The following PRUNE2 variants were observed in gnomAD, a reference collection of about 807,000 sequenced individuals.
The protein encoded by PRUNE2 is protein prune homolog 2.
A neutral mutation model predicts 252.0 loss-of-function variants in PRUNE2; 164 were observed. The ratio of observed to expected loss-of-function variants is 0.65; its 90% CI spans 0.57 to 0.74. The LOEUF (loss-of-function observed/expected upper bound fraction) is 0.74. PRUNE2 is among the 30% of genes least tolerant of loss of function. The pLI is 0.00. For synonymous variants in PRUNE2, 1,292 were observed against 1,350.2 expected (o/e 0.96, Z 0.94); for missense variants, 3,495 against 3,711.0 (o/e 0.94, Z 1.51).
intron 1 of PRUNE2, among the ~76,000 whole-genome samples, chr9:76,867,110 T>G (rs532292872): frequency 3.4e-4 from 52 of 151,962 alleles, no homozygotes; most frequent in African/African-American, 1.2e-3. Flanking sequence ...GAGATTAGAG[T>G]AGCAAAAACA....
Position 76,706,005 on chromosome 9 carries a change from A to G in PRUNE2, c.6269T>C (p.Leu2090Pro), listed in dbSNP as rs1288075481. The G allele has an allele frequency of 6.2e-7, 1 of 1,614,042 alleles. No homozygotes were observed. The highest frequency in any genetic ancestry group is 2.2e-5 in the East Asian group (1 of 44,878). ...ATTGCTGTCATGTTCGCAGTGCGTCAGGATATCAGGATTCTCACCATCTGC... is the reference window on the plus strand; with the variant it reads ...ATTGCTGTCATGTTCGCAGTGCGTCGGGATATCAGGATTCTCACCATCTGC... Reference protein sequence around the residue: ...LKADGENPDILTHCEHDSNSQ... With the variant: ...LKADGENPDIPTHCEHDSNSQ... Residue 2090 changes from leucine (L) to proline (P), a missense_variant, in exon 8 of 19, where the codon CTG becomes CCG. Transcript: ENST00000376718.
chr9:76,902,918 G>A (rs936184987), intron 1 of PRUNE2, among the ~76,000 whole-genome samples: 2 of 152,162 alleles, frequency 1.3e-5, no homozygotes, highest in Non-Finnish European at 2.9e-5. Flanking sequence ...AAGGAGGATG[G>A]GATTATGTCA....
chr9:76,731,324 ATT>A (rs1181079797), intron 6 of PRUNE2, among the ~76,000 whole-genome samples: 2,150 of 106,660 alleles, frequency 0.02, 35 homozygotes, highest in African/African-American at 0.051. Flanking sequence ...ATATATATAT[ATT>A]TTTTTTTTTT....
intron 11 of PRUNE2, among the ~76,000 whole-genome samples, chr9:76,647,559 AC>A (rs1190295897): frequency 6.6e-6 from 1 of 152,224 alleles, no homozygotes; most frequent in African/African-American, 2.4e-5. Flanking sequence ...TATATAAAAG[AC>A]AAAAATCAAG....
chr9:76,807,129 T>A (rs958558741), intron 6 of PRUNE2, among the ~76,000 whole-genome samples: 1 of 151,440 alleles, frequency 6.6e-6, no homozygotes, highest in Non-Finnish European at 1.5e-5. Context: ...TGGAGTGCAA[T>A]GGCATACCAC....
chr9:76,707,731 C>G lies in PRUNE2; in HGVS notation c.4543G>C (p.Val1515Leu), dbSNP rs370117193. ...GGAAGGCTATTTTCAGACCCCTTAA[C>G]GTCAAGATTTTTGGTTATCTCAGAA... is the stretch of plus-strand genomic sequence containing the variant. The part of the protein sequence containing the change: ...TCSEITKNLD[V>L]KGSENSLPGA... Residue 1515 changes from valine (V) to leucine (L), a missense_variant, in exon 8 of 19, where the codon GTT (valine) becomes CTT (leucine). Coordinates refer to ENST00000376718, the MANE Select transcript of PRUNE2 (RefSeq NM_015225.3). 3 of 1,613,814 alleles carry G rather than the reference C, an allele frequency of 1.9e-6. No individual in the cohort carries two copies. The highest frequency in any genetic ancestry group is 3.3e-5 in the Admixed American group (2 of 60,004).
intron 9 of PRUNE2, among the ~76,000 whole-genome samples, chr9:76,660,116 G>A (rs1457830300): frequency 6.6e-6 from 1 of 152,092 alleles, no homozygotes; most frequent in Non-Finnish European, 1.5e-5. Context: ...ACAGGTGCCA[G>A]AAATAAAGAG....
intron 6 of PRUNE2, among the ~76,000 whole-genome samples, chr9:76,717,098 T>C (rs1356927883): frequency 6.6e-6 from 1 of 152,192 alleles, no homozygotes; most frequent in Non-Finnish European, 1.5e-5. Flanking sequence ...AATGAAGCAC[T>C]GATAAATCAA....
intron 16 of PRUNE2, among the ~76,000 whole-genome samples, chr9:76,626,236 C>T (rs1834704610): frequency 6.6e-6 from 1 of 152,160 alleles, no homozygotes; most frequent in African/African-American, 2.4e-5. Context: ...TAATGAGAAT[C>T]AACTGTAACC....
Position 76,873,840 on chromosome 9 carries a change from T to C in PRUNE2, c.37-19632A>G, listed in dbSNP as rs545341873. On this transcript the variant is annotated intron_variant, in intron 1 of 18. Transcript: ENST00000376718. The stretch of plus-strand genomic sequence containing the variant: ...GCATTAAATAACCTCATAATCACAT[T>C]TAAAGGCTAAGTGAACTGGGGCCAC... 1.6e-4 allele frequency among the ~76,000 whole-genome samples: 24 copies of C among 152,264 alleles called. 1 individual carries two copies. The highest frequency in any genetic ancestry group is 5.5e-4 in the African/African-American group (23 of 41,560).
intron 4 of PRUNE2, among the ~76,000 whole-genome samples, chr9:76,832,771 T>C (rs889026129): frequency 2.0e-5 from 3 of 151,690 alleles, no homozygotes; most frequent in Non-Finnish European, 4.4e-5. Context: ...AAAAAACTAA[T>C]ATAAGGAGTT....
chr9:76,670,244 G>C (rs574305846), intron 9 of PRUNE2, among the ~76,000 whole-genome samples: 1 of 152,156 alleles, frequency 6.6e-6, no homozygotes. Flanking sequence ...CTTGGGAAGC[G>C]CGAGGGGTCA....
rs927651463 is a variant in PRUNE2, at chr9:76,877,925, G to A, written c.37-23717C>T. ...TGTAAGATACACCATGACCCTAAGC[G>A]GTAGAGATGCGGAATCTGGACTTAG... On this transcript the variant is annotated intron_variant, in intron 1 of 18. Transcript: ENST00000376718. 9.9e-5 allele frequency among the ~76,000 whole-genome samples: 15 copies of A among 152,174 alleles called. 1 individual carries two copies. The highest frequency in any genetic ancestry group is 4.1e-4 in the South Asian group (2 of 4,828).
In PRUNE2 at chr9:76,706,651, C is replaced by G; in HGVS notation, c.5623G>C (p.Asp1875His). ...ASPWGVPVQG[D>H]IEPVETHYTN... is the part of the protein sequence containing the mutation. Reference sequence around the variant, plus strand: ...TAGTGTGTTTCCACGGGCTCAATATCACCCTGAACTGGTACTCCCCAGGGA... The same window carrying G: ...TAGTGTGTTTCCACGGGCTCAATATGACCCTGAACTGGTACTCCCCAGGGA... The change falls in exon 8 of 19, where the codon GAT (aspartate) becomes CAT (histidine). Residue 1875 changes from aspartate to histidine, a missense_variant. Transcript: ENST00000376718. 2 of 1,613,864 alleles carry G rather than the reference C, an allele frequency of 1.2e-6. No homozygotes were observed. Among genetic ancestry groups the G allele is most frequent in the Non-Finnish European group, 1.7e-6 (2 of 1,179,850 alleles).
intron 4 of PRUNE2, among the ~76,000 whole-genome samples, chr9:76,845,016 A>G (rs2059597214): frequency 6.6e-6 from 1 of 150,858 alleles, no homozygotes; most frequent in Admixed American, 6.6e-5. Context: ...AAAAAAAAAA[A>G]AAAAAAAAAA....
intron 1 of PRUNE2, among the ~76,000 whole-genome samples, chr9:76,903,370 A>C (rs919031301): frequency 4.6e-5 from 7 of 152,042 alleles, no homozygotes; most frequent in Non-Finnish European, 8.8e-5. Flanking sequence ...AATTAAGCCA[A>C]ATAGGAAAAA....
At chr9:76,746,197 CT>C (rs2050086129) in intron 6 of PRUNE2, among the ~76,000 whole-genome samples, 1 of 152,152 alleles carries the variant, frequency 6.6e-6, no homozygotes, top group African/African-American at 2.4e-5. Flanking sequence ...TCTTATCTCT[CT>C]GAAGATAAGA....
chr9:76,849,741 G>A (rs552618206), intron 3 of PRUNE2, among the ~76,000 whole-genome samples: 1 of 152,114 alleles, frequency 6.6e-6, no homozygotes, highest in African/African-American at 2.4e-5. Context: ...CAAGAGAATC[G>A]CTTGAACCTG....
At chr9:76,819,813 A>C (rs1001376308) in intron 6 of PRUNE2, among the ~76,000 whole-genome samples, 1 of 152,200 alleles carries the variant, frequency 6.6e-6, no homozygotes, top group Non-Finnish European at 1.5e-5. Flanking sequence ...CTTCAGTGGC[A>C]CTTCATTAGA....
Sources: gnomAD v4.1 joint callset for allele counts (sites outside exome capture counted in the v4.1 genomes callset) on GRCh38, gnomAD v4.1.1 for gene constraint, MANE v1.5 for transcripts, NCBI Gene and HGNC (gene_info 2026-07-23, HGNC 2026-07-21) for gene names.